SHANK2: variants seen among roughly 807,000 people sequenced by gnomAD.
SHANK2 encodes the protein SH3 and multiple ankyrin repeat domains 2, also known as SH3 and multiple ankyrin repeat domains protein 2.
In SHANK2, 43 loss-of-function variants were observed where a neutral mutation model predicts 133.7. The ratio of observed to expected loss-of-function variants is 0.32; its 90% confidence interval spans 0.25 to 0.41. The LOEUF is 0.41. Ranked by LOEUF, SHANK2 falls within the 10% of genes least tolerant of loss-of-function variation. The pLI, the probability that SHANK2 is intolerant of heterozygous loss-of-function variation, is 1.00. For synonymous variants in SHANK2, 1,017 were observed against 952.8 expected (o/e 1.07, Z -1.24); for missense variants, 1,994 against 2,235.8 (o/e 0.89, Z 2.18).
intron 14 of SHANK2, among the ~76,000 whole-genome samples, chr11:70,759,815 G>C (rs1343531219): frequency 2.6e-5 from 4 of 152,216 alleles, no homozygotes; most frequent in Non-Finnish European, 4.4e-5. Context: ...AGCTCCACCA[G>C]ATGCTGATAA....
chr11:70,531,473 C>T (rs539549622), intron 17 of SHANK2, among the ~76,000 whole-genome samples: 13 of 152,332 alleles, frequency 8.5e-5, no homozygotes, highest in African/African-American at 2.2e-4. Context: ...GACTGCCTCG[C>T]GGGTGGACGA....
At chr11:70,836,139 G>A (rs181381293) in intron 11 of SHANK2, among the ~76,000 whole-genome samples, 3 of 152,356 alleles carry the variant, frequency 2.0e-5, no homozygotes, top group East Asian at 1.9e-4. Context: ...CCCATGGGGG[G>A]CCAGGGGAAG....
intron 17 of SHANK2, among the ~76,000 whole-genome samples, chr11:70,534,201 G>T (rs1410484106): frequency 6.6e-6 from 1 of 152,192 alleles, no homozygotes; most frequent in Non-Finnish European, 1.5e-5. Flanking sequence ...GGCTGGGGAG[G>T]CCTCAGGAAA....
At chr11:70,483,525 C>CTCA (rs2058762352) in intron 25 of SHANK2, among the ~76,000 whole-genome samples, 1 of 133,366 alleles carries the variant, frequency 7.5e-6, no homozygotes, top group Admixed American at 7.7e-5. Context: ...ATGGTGAGAC[C>CTCA]TCATCTCTAC....
chr11:71,091,027 A>G (rs890607877), intron 8 of SHANK2, among the ~76,000 whole-genome samples: 1 of 151,900 alleles, frequency 6.6e-6, no homozygotes, highest in African/African-American at 2.4e-5. Context: ...CAACAACTAG[A>G]ATATTGTTTG....
chr11:70,568,281 T>G (rs782077812), intron 17 of SHANK2, among the ~76,000 whole-genome samples: 5 of 152,110 alleles, frequency 3.3e-5, no homozygotes, highest in Non-Finnish European at 7.3e-5. Context: ...GGAAGAATCT[T>G]CACTTCCTCT....
Position 70,569,180 on chromosome 11 carries a change from C to T in SHANK2, c.2062-66249G>A, listed in dbSNP as rs1203272876. 6.6e-6 allele frequency among the ~76,000 whole-genome samples: 1 copy of T among 152,182 alleles called. No individual in the cohort carries two copies. Among genetic ancestry groups the T allele is most frequent in the East Asian group, 1.9e-4 (1 of 5,184 alleles). On this transcript the variant is annotated intron_variant, in intron 17 of 25. Transcript: ENST00000601538. The surrounding 1 kb of genome is among the most constrained non-coding windows in gnomAD (Gnocchi z 5.1). ...TCCCACAGAGAGGGGGATCCTCTGT[C>T]CTCTCAGGGCCAATCGGACTGAGGA...
intron 11 of SHANK2, among the ~76,000 whole-genome samples, chr11:70,854,886 C>A (rs1309230582): frequency 1.3e-5 from 2 of 152,228 alleles, no homozygotes; most frequent in Admixed American, 1.3e-4. Context: ...CCCTACTACA[C>A]CTGTGTTGCA....
intron 2 of SHANK2, among the ~76,000 whole-genome samples, chr11:71,199,425 C>T (rs1350457316): frequency 1.3e-5 from 2 of 152,134 alleles, no homozygotes; most frequent in East Asian, 1.9e-4. Flanking sequence ...TGTGACCTGC[C>T]GTAGAGGCAA....
Position 71,200,591 on chromosome 11 carries a change from AACTCTACATTTAACTTC to A in SHANK2, c.-13+24089_-13+24105del, listed in dbSNP as rs1953999519. Among the ~76,000 whole-genome samples, 5 of 151,512 alleles carry A rather than the reference AACTCTACATTTAACTTC, an allele frequency of 3.3e-5. No individual in the cohort carries two copies. In the South Asian group the frequency reaches 1.0e-3, roughly 32 times the overall value. The stretch of plus-strand genomic sequence containing the variant: ...TTTGACTTCACTCTACATTTAACAT[AACTCTACATTTAACTTC>A]ACTCTACATTTAACTTTTTTTAGGA... On this transcript the variant is annotated intron_variant, in intron 2 of 25. Transcript: ENST00000601538.
intron 14 of SHANK2, among the ~76,000 whole-genome samples, chr11:70,743,383 C>T (rs558401993): frequency 2.0e-5 from 3 of 152,270 alleles, no homozygotes; most frequent in East Asian, 1.9e-4. Context: ...CGAGAATAGA[C>T]GCCAGTACCC....
At chr11:70,504,382 A>ACAGGCCCAGTGCCTGGCTCCCCATACCGT in intron 17 of SHANK2, among the ~76,000 whole-genome samples, 1 of 127,620 alleles carries the variant, frequency 7.8e-6, no homozygotes, top group Non-Finnish European at 1.8e-5. Flanking sequence ...CAGGCCCAGG[A>ACAGGCCCAGTGCCTGGCTCCCCATACCGT]TGTGCCAGTT....
intron 17 of SHANK2, among the ~76,000 whole-genome samples, chr11:70,507,495 C>T (rs1037131911): frequency 1.2e-4 from 19 of 152,196 alleles, no homozygotes; most frequent in African/African-American, 4.6e-4. Flanking sequence ...AGAATCTTTC[C>T]CCTGCAGAGG....
rs1952849752 is a variant in SHANK2, at chr11:71,153,833, G to A, written c.-12-6495C>T. 3.3e-5 allele frequency among the ~76,000 whole-genome samples: 5 copies of A among 152,216 alleles called. No homozygotes were observed. The East Asian group carries it at 9.7e-4, about 29-fold the overall frequency. On this transcript the variant is annotated intron_variant, in intron 2 of 25. Coordinates refer to ENST00000601538, the MANE Select transcript of SHANK2 (RefSeq NM_012309.5). The stretch of plus-strand genomic sequence containing the variant: ...AAAAATACAAAAATTAGCCAGGTGT[G>A]GTGGTGGGCGCCTGTAATCCCAGCT...
chr11:70,710,889 C>G (rs1945768061), intron 14 of SHANK2, among the ~76,000 whole-genome samples: 1 of 152,224 alleles, frequency 6.6e-6, no homozygotes, highest in African/African-American at 2.4e-5. Context: ...GTCACGGGTT[C>G]TGCAGCACAG....
chr11:70,776,679 C>A (rs1306881985), intron 14 of SHANK2, among the ~76,000 whole-genome samples: 1 of 152,014 alleles, frequency 6.6e-6, no homozygotes, highest in African/African-American at 2.4e-5. Flanking sequence ...CATCCATCTA[C>A]CTAGTCACCC....
At chr11:70,879,160 G>T (rs1203543637) in intron 11 of SHANK2, among the ~76,000 whole-genome samples, 4 of 152,196 alleles carry the variant, frequency 2.6e-5, no homozygotes, top group African/African-American at 9.7e-5. Context: ...CCCATGAACT[G>T]CTGCTGCTTC....
At chr11:70,743,590 C>A (rs891588932) in intron 14 of SHANK2, among the ~76,000 whole-genome samples, 1 of 152,202 alleles carries the variant, frequency 6.6e-6, no homozygotes, top group Non-Finnish European at 1.5e-5. Context: ...ATTTACTGCA[C>A]ACACACTGGA....
At chr11:70,677,149 G>T (rs1944918140) in intron 15 of SHANK2, among the ~76,000 whole-genome samples, 1 of 152,220 alleles carries the variant, frequency 6.6e-6, no homozygotes. Context: ...GAGTGGATCA[G>T]AAGATACAGC....
Sources: gnomAD v4.1 joint callset for allele counts (sites outside exome capture counted in the v4.1 genomes callset) on GRCh38, gnomAD v4.1.1 for gene constraint, Gnocchi (gnomAD v3.1) non-coding constraint, MANE v1.5 for transcripts, NCBI Gene and HGNC (gene_info 2026-07-23, HGNC 2026-07-21) for gene names.